The following RSRP1 variants were observed in gnomAD, a reference collection of about 807,000 sequenced individuals.
The protein encoded by RSRP1 is arginine and serine rich protein 1.
In RSRP1, 37 loss-of-function variants were observed where a neutral mutation model predicts 33.0. That is an observed-to-expected ratio of 1.12 (90% CI 0.86 to 1.48). RSRP1 has a LOEUF of 1.48. Ranked by LOEUF, RSRP1 falls within the 40% of genes most tolerant of loss-of-function variation. The pLI, the probability that RSRP1 is intolerant of heterozygous loss-of-function variation, is 0.00. For synonymous variants in RSRP1, 167 were observed against 158.7 expected, an observed-to-expected ratio of 1.05 and a Z score of -0.40; for missense variants, 402 against 385.3, an observed-to-expected ratio of 1.04 and a Z score of -0.36.
At position 25,283,643 on chromosome 1, in the gene RSRP1, G is replaced by T. The variant is rs1365354996; in HGVS notation, c.-66-36614C>A. ...ACAGTAACAGCACCCACGTCAAAGT[G>T]TGGTTGTGAGAACGAAACAAGATAG... On this transcript the variant is annotated intron_variant, in intron 1 of 1. Coordinates refer to the RSRP1 transcript ENST00000561867. Among the ~76,000 whole-genome samples, 14 of 133,860 alleles carry T rather than the reference G, an allele frequency of 1.0e-4. 1 individual carries two copies. The highest frequency in any genetic ancestry group is 3.6e-4 in the African/African-American group (14 of 38,514). 87.8% of individuals were successfully genotyped at this position (133,860 alleles called of 152,430 possible).
intron 1 of RSRP1, among the ~76,000 whole-genome samples, chr1:25,266,527 GTA>G (rs367545465): frequency 1.6e-5 from 2 of 128,376 alleles, no homozygotes; most frequent in South Asian, 2.3e-4. Context: ...GCTATAGATT[GTA>G]TCATGCAGTT....
chr1:25,243,989 A>C, intron 3 of RSRP1: 1 of 1,168,856 alleles, frequency 8.6e-7, no homozygotes, highest in Non-Finnish European at 1.1e-6. Flanking sequence ...CGTCTGAACA[A>C]AGACCTTGTC....
rs1369170896 is a variant in RSRP1 at position 25,247,045 on chromosome 1, AG to A, written c.-66-17del. On this transcript the variant is annotated splice_polypyrimidine_tract_variant and intron_variant, in intron 1 of 4. Coordinates refer to ENST00000243189, the MANE Select transcript of RSRP1 (RefSeq NM_020317.5). ...TCAGGACTTCCTAAAAAACCAAGAG[AG>A]AAAAAACAAGTCGAGTCGCGGAAGC... 7.4e-7 allele frequency: 1 copy of A among 1,354,950 alleles called. No individual in the cohort carries two copies. Among genetic ancestry groups the A allele is most frequent in the Non-Finnish European group, 9.8e-7 (1 of 1,018,416 alleles). 83.9% of individuals were successfully genotyped at this position (1,354,950 alleles called of 1,614,324 possible). A position where few individuals can be genotyped will look rare whatever the true frequency, so the allele number is the denominator to read the frequency against.
At position 25,304,442 on chromosome 1, in the gene RSRP1, A is replaced by G. The variant is rs1174488110; in HGVS notation, c.-67+33536T>C. 1.5e-5 allele frequency: 2 copies of G among 130,096 alleles called. 1 individual carries two copies. The highest frequency in any genetic ancestry group is 3.6e-5 in the Non-Finnish European group (2 of 55,352). The allele number at this position is 130,096 out of a possible 1,614,324, so 8.1% of individuals were successfully genotyped here. On this transcript the variant is annotated intron_variant, in intron 1 of 1. Transcript: ENST00000561867. ...GGTGAAACCCATCTCTACTAAAAGT[A>G]CAAAAATTAGCCAGGCATGGTGGCG...
Position 25,314,638 on chromosome 1 carries a change from C to T in RSRP1, c.-67+23340G>A, listed in dbSNP as rs113938296. On this transcript the variant is annotated intron_variant, in intron 1 of 1. Coordinates refer to the RSRP1 transcript ENST00000561867. ...CCTCCTGAGTAGCTTAGATTACAGG[C>T]GCATGCCACCATGCCCAGCTAACTT... 9.1e-5 allele frequency among the ~76,000 whole-genome samples: 12 copies of T among 132,350 alleles called. 1 individual carries two copies. Among genetic ancestry groups the T allele is most frequent in the South Asian group, 2.3e-4 (1 of 4,314 alleles). The allele number at this position is 132,350 out of a possible 152,430, so 86.8% of individuals were successfully genotyped here.
chr1:25,256,147 C>CTTT (rs58871827), intron 1 of RSRP1, among the ~76,000 whole-genome samples: 3 of 132,996 alleles, frequency 2.3e-5, no homozygotes, highest in East Asian at 2.1e-4. Flanking sequence ...CTATCCGGAT[C>CTTT]TTTTTTTTTT....
rs1644157492 is a variant in RSRP1, at chr1:25,311,695, C to T, written c.-67+26283G>A. Among the ~76,000 whole-genome samples, 2 of 129,556 alleles carry T rather than the reference C, an allele frequency of 1.5e-5. 1 individual carries two copies. The highest frequency in any genetic ancestry group is 3.6e-5 in the Non-Finnish European group (2 of 55,042). The allele number at this position is 129,556 out of a possible 152,430, so 85.0% of individuals were successfully genotyped here. A position where few individuals can be genotyped will look rare whatever the true frequency, so the allele number is the denominator to read the frequency against. On this transcript the variant is annotated intron_variant, in intron 1 of 1. Transcript: ENST00000561867. ...GGGCAGAATGGTTTGGAATGACCAG[C>T]TGCTGCCCAGGGCTGCCTTGGGTCT...
At chr1:25,271,064 A>G (rs1273434536) in intron 1 of RSRP1, among the ~76,000 whole-genome samples, 1 of 131,164 alleles carries the variant, frequency 7.6e-6, no homozygotes, top group African/African-American at 2.6e-5. Flanking sequence ...CTTTTCCTGC[A>G]TATGTTCAGA....
chr1:25,319,458 A>C (rs1239835596), intron 1 of RSRP1, among the ~76,000 whole-genome samples: 1 of 131,726 alleles, frequency 7.6e-6, no homozygotes, highest in African/African-American at 2.6e-5. Flanking sequence ...AAAAGATACA[A>C]AAATTAGCCA....
intron 1 of RSRP1, chr1:25,306,520 C>A: frequency 7.7e-7 from 1 of 1,293,146 alleles, no homozygotes; most frequent in Admixed American, 1.8e-5. Flanking sequence ...CCCCGGATAC[C>A]AAGGGTGTGT....
At chr1:25,336,999 C>T (rs1645090057) in intron 1 of RSRP1, 2 of 152,992 alleles carry the variant, frequency 1.3e-5, no homozygotes, top group South Asian at 2.1e-4. Context: ...ACATGTCAAT[C>T]AGATGAACCT....
At chr1:25,260,059 G>A in intron 1 of RSRP1, among the ~76,000 whole-genome samples, 1 of 152,136 alleles carries the variant, frequency 6.6e-6, no homozygotes, top group Non-Finnish European at 1.5e-5. Flanking sequence ...TGCCAAACAG[G>A]ATGTGGAAAA....
chr1:25,336,910 C>T (rs1247307474), intron 1 of RSRP1: 1 of 151,894 alleles, frequency 6.6e-6, no homozygotes, highest in Non-Finnish European at 1.5e-5. Context: ...AACAAAAAAA[C>T]CCAAAGGGAT....
At position 25,297,955 on chromosome 1, in the gene RSRP1, T is replaced by C. The variant is rs1411232366; in HGVS notation, c.-67+40023A>G. On this transcript the variant is annotated intron_variant, in intron 1 of 1. Coordinates refer to the RSRP1 transcript ENST00000561867. ...TCCCAGGTAGTCTGTGCTCTCCATC[T>C]TTTGGCTCTTATTCTCTCCGTACAT... is the stretch of plus-strand genomic sequence containing the variant. Among the ~76,000 whole-genome samples the C allele has an allele frequency of 1.5e-5, 2 of 131,372 alleles. 1 individual carries two copies. Among genetic ancestry groups the C allele is most frequent in the African/African-American group, 5.2e-5 (2 of 38,180 alleles). 86.2% of individuals were successfully genotyped at this position (131,372 alleles called of 152,430 possible).
chr1:25,329,506 GTGC>G (rs1644946457), intron 1 of RSRP1: 1 of 206,174 alleles, frequency 4.9e-6, no homozygotes, highest in African/African-American at 2.5e-5. Context: ...GCCTCCCAAA[GTGC>G]TGGAACCACA....
intron 1 of RSRP1, among the ~76,000 whole-genome samples, chr1:25,278,900 G>A (rs553432898): frequency 0.011 from 1,433 of 128,556 alleles, 195 homozygotes; most frequent in African/African-American, 0.036. Context: ...AGGAGGTGGC[G>A]GCCTCCTGAG....
chr1:25,302,527 G>A (rs181404454), intron 1 of RSRP1, among the ~76,000 whole-genome samples: 7 of 130,164 alleles, frequency 5.4e-5, no homozygotes, highest in Admixed American at 3.0e-4. Flanking sequence ...AGGAGTGGGT[G>A]TCAACTCAGG....
rs150073306 is a variant in RSRP1 at position 25,301,618 on chromosome 1, G to C, written c.-67+36360C>G. ...TGCCGTGTTCAACACCTACTATGCTGTAGCAGTCAGCGTGGTGACAGCCAT... is the reference window on the plus strand; with the variant it reads ...TGCCGTGTTCAACACCTACTATGCTCTAGCAGTCAGCGTGGTGACAGCCAT... On this transcript the variant is annotated intron_variant, in intron 1 of 1. Transcript: ENST00000561867. 1,480 of 1,380,076 alleles carry C rather than the reference G, an allele frequency of 1.1e-3. 410 individuals are homozygous for C. The highest frequency in any genetic ancestry group is 1.4e-3 in the Non-Finnish European group (1,355 of 979,192). 85.5% of individuals were successfully genotyped at this position (1,380,076 alleles called of 1,614,324 possible).
chr1:25,255,793 A>G (rs1639927913), intron 1 of RSRP1, among the ~76,000 whole-genome samples: 1 of 152,146 alleles, frequency 6.6e-6, no homozygotes. Context: ...AGGAGTGGCA[A>G]TCTAGATTCC....
Sources: gnomAD v4.1 joint callset for allele counts (sites outside exome capture counted in the v4.1 genomes callset) on GRCh38, gnomAD v4.1.1 for gene constraint, MANE v1.5 for transcripts, NCBI Gene and HGNC (gene_info 2026-07-23, HGNC 2026-07-21) for gene names.